The following STK3 variants were observed in gnomAD, a reference collection of about 807,000 sequenced individuals.
The protein encoded by STK3 is serine/threonine-protein kinase 3.
Under a neutral mutation model 58.0 loss-of-function variants are expected in STK3, and 41 were observed. The observed-to-expected ratio is 0.71, with a 90% confidence interval of 0.55 to 0.92. The LOEUF is 0.92. Among genes scored for constraint, STK3 ranks in the 40% least tolerant of loss-of-function variants. The pLI, the probability that STK3 is intolerant of heterozygous loss-of-function variation, is 0.00. For missense variants in STK3, 479 were observed against 602.7 expected, an observed-to-expected ratio of 0.79 and a Z score of 2.15; for synonymous variants, 170 against 191.0, an observed-to-expected ratio of 0.89 and a Z score of 0.91.
chr8:98,676,609 A>C (rs1563878744), intron 6 of STK3, among the ~76,000 whole-genome samples: 1 of 151,686 alleles, frequency 6.6e-6, no homozygotes, highest in Non-Finnish European at 1.5e-5. Context: ...GTGAAACTCT[A>C]TCTTTAAAAA....
intron 6 of STK3, among the ~76,000 whole-genome samples, chr8:98,649,940 G>A (rs1055343139): frequency 6.6e-6 from 1 of 152,116 alleles, no homozygotes; most frequent in African/African-American, 2.4e-5. Flanking sequence ...CTACAGAAGT[G>A]TACTTCTTTT....
At chr8:98,921,338 C>T (rs1308057473) in intron 1 of STK3, 1 of 152,046 alleles carries the variant, frequency 6.6e-6, no homozygotes, top group Admixed American at 6.6e-5. Context: ...GAGGTTCTAG[C>T]AGGGGAGCTC....
intron 3 of STK3, among the ~76,000 whole-genome samples, chr8:98,426,302 G>C (rs1818231705): frequency 6.6e-6 from 1 of 152,154 alleles, no homozygotes; most frequent in Non-Finnish European, 1.5e-5. Context: ...CTGTGCCGAC[G>C]CATCTTCCCA....
At chr8:98,441,475 C>A (rs1292301102) in intron 1 of STK3, among the ~76,000 whole-genome samples, 5 of 152,146 alleles carry the variant, frequency 3.3e-5, no homozygotes, top group African/African-American at 9.7e-5. Context: ...GGCCTGGGTA[C>A]CTTTTCCAAG....
intron 10 of STK3, among the ~76,000 whole-genome samples, chr8:98,498,315 G>C (rs146723375): frequency 3.9e-5 from 6 of 152,184 alleles, no homozygotes; most frequent in Middle Eastern, 3.4e-3. Flanking sequence ...GGCAGGAAGA[G>C]GAGAGGAGAA....
intron 1 of STK3, chr8:98,904,549 A>G: frequency 6.0e-6 from 3 of 501,232 alleles, no homozygotes; most frequent in Non-Finnish European, 1.2e-5. Context: ...GTTCTCATAT[A>G]TGCCCGCAGC....
chr8:98,416,780 C>T (rs538063638), intron 3 of STK3, among the ~76,000 whole-genome samples: 1 of 152,354 alleles, frequency 6.6e-6, no homozygotes, highest in South Asian at 2.1e-4. Context: ...GAAAAATTAG[C>T]TTAATTTTTT....
intron 10 of STK3, among the ~76,000 whole-genome samples, chr8:98,486,706 A>G (rs533054134): frequency 6.6e-6 from 1 of 152,310 alleles, no homozygotes; most frequent in Admixed American, 6.5e-5. Context: ...TTTTAGGCAA[A>G]TAACTTCTCA....
intron 3 of STK3, among the ~76,000 whole-genome samples, chr8:98,420,103 C>A (rs1315232757): frequency 2.0e-5 from 3 of 152,174 alleles, no homozygotes; most frequent in Non-Finnish European, 4.4e-5. Flanking sequence ...TCTCATTTAC[C>A]TGAAGTCTGA....
intron 1 of STK3, among the ~76,000 whole-genome samples, chr8:98,895,863 T>A (rs1838425112): frequency 6.6e-6 from 1 of 152,190 alleles, no homozygotes; most frequent in South Asian, 2.1e-4. Flanking sequence ...TCCTAATGGT[T>A]ACATCTGATT....
intron 6 of STK3, among the ~76,000 whole-genome samples, chr8:98,700,398 C>G (rs191845587): frequency 1.1e-4 from 17 of 152,326 alleles, no homozygotes; most frequent in Admixed American, 7.2e-4. Flanking sequence ...GTCTGGCACT[C>G]CCTAGTGAGA....
chr8:98,633,016 A>G (rs968562004), intron 6 of STK3, among the ~76,000 whole-genome samples: 1 of 152,230 alleles, frequency 6.6e-6, no homozygotes, highest in African/African-American at 2.4e-5. Context: ...TACTGAAGAC[A>G]CAAAATAAAA....
At chr8:98,485,470 C>T (rs572411597) in intron 10 of STK3, among the ~76,000 whole-genome samples, 1 of 152,258 alleles carries the variant, frequency 6.6e-6, no homozygotes, top group East Asian at 1.9e-4. Context: ...GGCTTTCCAA[C>T]ACATTATCAA....
intron 3 of STK3, chr8:98,413,640 T>A: frequency 2.6e-6 from 2 of 761,860 alleles, no homozygotes; most frequent in Non-Finnish European, 4.8e-6. Context: ...CAGTTTCTCC[T>A]CACAAACCGT....
intron 4 of STK3, among the ~76,000 whole-genome samples, chr8:98,731,706 G>C (rs1306181901): frequency 7.0e-6 from 1 of 142,108 alleles, no homozygotes; most frequent in African/African-American, 2.7e-5. Context: ...CTGGGCGACA[G>C]AGTGAGACTC....
At chr8:98,607,044 C>T (rs1280735823) in intron 6 of STK3, among the ~76,000 whole-genome samples, 1 of 151,982 alleles carries the variant, frequency 6.6e-6, no homozygotes, top group African/African-American at 2.4e-5. Flanking sequence ...GGATGGTTAG[C>T]AGTAGAACAG....
chr8:98,544,893 T>A (rs1034149025), intron 9 of STK3, among the ~76,000 whole-genome samples: 1 of 152,090 alleles, frequency 6.6e-6, no homozygotes, highest in African/African-American at 2.4e-5. Flanking sequence ...CAGATACCCA[T>A]AAGACATAGT....
At chr8:98,922,002 G>T (rs1839584118) in intron 1 of STK3, among the ~76,000 whole-genome samples, 1 of 152,094 alleles carries the variant, frequency 6.6e-6, no homozygotes, top group South Asian at 2.1e-4. Flanking sequence ...CCTATCAACA[G>T]TCATTTCTAT....
intron 3 of STK3, among the ~76,000 whole-genome samples, chr8:98,868,542 G>A (rs547855828): frequency 2.6e-5 from 4 of 152,168 alleles, no homozygotes; most frequent in Non-Finnish European, 4.4e-5. Context: ...GTGATAAAAG[G>A]ACTTGGAAAT....
Sources: allele counts gnomAD v4.1 joint callset (sites outside exome capture counted in the v4.1 genomes callset), GRCh38; gene constraint gnomAD v4.1.1; transcripts MANE v1.5; gene names NCBI Gene and HGNC (gene_info 2026-07-23, HGNC 2026-07-21).